Variants in PIDD1 observed in about 807,000 individuals in gnomAD.
The protein encoded by PIDD1 is p53-induced death domain protein 1, also known as p53-induced death domain-containing protein 1.
In PIDD1, 72 loss-of-function variants were observed where a neutral mutation model predicts 80.0. The ratio of observed to expected loss-of-function variants is 0.90; its 90% confidence interval spans 0.74 to 1.09. The LOEUF (loss-of-function observed/expected upper bound fraction) is 1.09. PIDD1 is among the 50% of genes least tolerant of loss of function. PIDD1 has a pLI of 0.00. For missense variants in PIDD1, 1,329 were observed against 1,228.3 expected (o/e 1.08, Z -1.23); for synonymous variants, 655 against 543.5 (o/e 1.21, Z -2.85).
chr11:802,527 TCAACC>T lies in PIDD1; in HGVS notation c.974+11_974+15del. The T allele has an allele frequency of 6.2e-7, 1 of 1,612,606 alleles. No individual in the cohort carries two copies. Among genetic ancestry groups the T allele is most frequent in the South Asian group, 1.1e-5 (1 of 90,952 alleles). ...GCAGACAGACTCCCCTCCAGCCCCC[TCAACC>T]CACCCCATACCTGTCCAAATCTGAG... On this transcript the variant is annotated intron_variant, in intron 5 of 15. Coordinates refer to ENST00000347755, the MANE Select transcript of PIDD1 (RefSeq NM_145886.4).
At chr11:803,813 A>G (rs997476024) in intron 2 of PIDD1, 1 of 634,914 alleles carries the variant, frequency 1.6e-6, no homozygotes, top group Admixed American at 2.9e-5. Flanking sequence ...ATCACCCACA[A>G]CCTTCCCCAG....
Position 802,901 on chromosome 11 carries a change from G to T in PIDD1, c.710-10C>A. 1 of 1,555,898 alleles carries T rather than the reference G, an allele frequency of 6.4e-7. No individual in the cohort carries two copies. Among genetic ancestry groups the T allele is most frequent in the South Asian group, 1.2e-5 (1 of 84,818 alleles). On this transcript the variant is annotated splice_polypyrimidine_tract_variant and intron_variant, in intron 3 of 15. Coordinates refer to ENST00000347755, the MANE Select transcript of PIDD1 (RefSeq NM_145886.4). The stretch of plus-strand genomic sequence containing the variant: ...AAGGACCGAAGTCCCGCTGCGGGCA[G>T]TTGCTGGCTTAGGCTTGGCACCAGC...
upstream of PIDD1, among the ~76,000 whole-genome samples, chr11:808,508 C>T (rs938912284): frequency 3.3e-5 from 5 of 152,142 alleles, no homozygotes; most frequent in Non-Finnish European, 7.4e-5. Context: ...GTGGGAGGAT[C>T]GCTTGAGCCC....
chr11:803,731 A>T, intron 2 of PIDD1, 144 bp from the exon 3 acceptor site: 9 of 968,392 alleles, frequency 9.3e-6, no homozygotes, highest in Non-Finnish European at 1.4e-5. Flanking sequence ...AGACAGACAG[A>T]AACACTGGAG....
upstream of PIDD1, chr11:805,269 G>A: frequency 2.1e-6 from 2 of 968,850 alleles, no homozygotes; most frequent in Non-Finnish European, 2.5e-6. Context: ...GGCGGGGACT[G>A]CAGACCCCGC....
chr11:802,143 G>A, intron 6 of PIDD1, 52 bp downstream of exon 6: 2 of 1,560,484 alleles, frequency 1.3e-6, no homozygotes, highest in Non-Finnish European at 1.7e-6. Context: ...CCCGCACACT[G>A]CCCCTGCCAT....
intron 2 of PIDD1, 128 bp from the exon 3 acceptor site, chr11:803,715 A>G (rs1865569967): frequency 1.9e-6 from 2 of 1,066,434 alleles, no homozygotes; most frequent in Admixed American, 4.7e-5. Flanking sequence ...CCAGCCAGAC[A>G]GGGACAGACA....
At position 799,320 on chromosome 11, in the gene PIDD1, G is replaced by A; in HGVS notation, c.2720C>T (p.Pro907Leu). 4 of 1,601,798 alleles carry A rather than the reference G, an allele frequency of 2.5e-6. No individual in the cohort carries two copies. In the South Asian group the frequency reaches 4.4e-5, roughly 18 times the overall value. ...AGTCTGTGGGGCCTAGGCCTGGGCAGGCTCTGGGGGCTGTGGAGCCGAGGA... is the reference window on the plus strand; with the variant it reads ...AGTCTGTGGGGCCTAGGCCTGGGCAAGCTCTGGGGGCTGTGGAGCCGAGGA... The part of the protein sequence containing the change: ...PGSSAPQPPE[P>L]AQA The change falls in exon 16 of 16, where the codon CCT becomes CTT. Residue 907 changes from proline (P) to leucine (L), a missense_variant. Physicochemically the swap from Pro to Leu is moderately conservative, Grantham distance 98. Coordinates refer to ENST00000347755, the MANE Select transcript of PIDD1 (RefSeq NM_145886.4).
In PIDD1 at chr11:803,297, G is replaced by C. The variant is rs750188700; in HGVS notation, c.586C>G (p.Leu196Val). The change falls in exon 3 of 16, where the codon CTG (leucine) becomes GTG (valine). Residue 196 changes from leucine (L) to valine (V), a missense_variant. Coordinates refer to ENST00000347755, the MANE Select transcript of PIDD1 (RefSeq NM_145886.4). ...LPPALGALST[L>V]QRLDLSQNLL... ...TTCTGAGAGAGATCGAGGCGCTGCA[G>C]GGTGGATAGGGCCCCCAGTGCTGGG... 13 of 1,613,784 alleles carry C rather than the reference G, an allele frequency of 8.1e-6. No homozygotes were observed. The highest frequency in any genetic ancestry group is 9.3e-6 in the Non-Finnish European group (11 of 1,179,982).
At position 803,348 on chromosome 11, in the gene PIDD1, T is replaced by G. The variant is rs1565066567; in HGVS notation, c.535A>C (p.Thr179Pro). ...ALPALTFLTV[T>P]HNRLQTLPPA... ...GGCAGCGTCTGCAGGCGGTTGTGTG[T>G]CACTGTGAGGAAGGTGAGGGCGGGG... The change falls in exon 3 of 16, where the codon ACA (threonine) becomes CCA (proline). Residue 179 changes from threonine to proline, a missense_variant. By Grantham distance (38) the Thr-to-Pro change is conservative. Coordinates refer to ENST00000347755, the MANE Select transcript of PIDD1 (RefSeq NM_145886.4). 1 of 1,613,748 alleles carries G rather than the reference T, an allele frequency of 6.2e-7. No individual in the cohort carries two copies.
At position 803,172 on chromosome 11, in the gene PIDD1, A is replaced by G; in HGVS notation, c.709+2T>C. 6.3e-7 allele frequency: 1 copy of G among 1,594,190 alleles called. No individual in the cohort carries two copies. Among genetic ancestry groups the G allele is most frequent in the Non-Finnish European group, 8.6e-7 (1 of 1,169,560 alleles). On this transcript the variant is annotated splice_donor_variant, in intron 3 of 15. Transcript: ENST00000347755. LOFTEE classifies it high-confidence loss of function. The stretch of plus-strand genomic sequence containing the variant: ...GTGTGTCGGGGCGCAGGGGCTACTC[A>G]CCCAGAGAGGCTGGGAGGCTCTGCA...
rs1240596698 is a variant in PIDD1 at position 800,159 on chromosome 11, C to T, written c.2246G>A (p.Trp749Ter). 1 of 1,610,726 alleles carries T rather than the reference C, an allele frequency of 6.2e-7. No homozygotes were observed. The highest frequency in any genetic ancestry group is 1.1e-5 in the South Asian group (1 of 90,932). ...ARQRKGADAL[W>*]MATLPIKLPR... ...CAGCTTGATGGGCAGAGTGGCCATC[C>T]ACAGGGCGTCTGCGCCCTTCCTCTG... The change falls in exon 14 of 16, where the codon TGG becomes TAG. Residue 749 changes from tryptophan to a stop codon, truncating the protein, a stop_gained. Transcript: ENST00000347755. LOFTEE classifies it high-confidence loss of function.
At chr11:801,868 G>A in intron 7 of PIDD1, 97 bp downstream of exon 7, 1 of 1,471,182 alleles carries the variant, frequency 6.8e-7, no homozygotes. Context: ...GAGGGACGGG[G>A]CAGGGTGGAA....
chr11:800,836 G>T lies in PIDD1; in HGVS notation c.1843C>A (p.Arg615Ser), dbSNP rs376999143. 1 of 1,567,250 alleles carries T rather than the reference G, an allele frequency of 6.4e-7. No individual in the cohort carries two copies. The change falls in exon 11 of 16, where the codon CGT becomes AGT. Residue 615 changes from arginine (R) to serine (S), a missense_variant. Physicochemically the swap from Arg to Ser is moderately radical, Grantham distance 110 (BLOSUM62 -1). Coordinates refer to ENST00000347755, the MANE Select transcript of PIDD1 (RefSeq NM_145886.4). ...RKAWERLRLH[R>S]VNLIALQRRR... ...CGCTGCAGAGCGATGAGGTTCACAC[G>T]GTGCAGCCGCAGCCGCTCCCAGGCC...
At chr11:802,136 G>A (rs531472352) in intron 6 of PIDD1, 46 bp from the exon 7 acceptor site, 54 of 1,560,714 alleles carry the variant, frequency 3.5e-5, no homozygotes, top group East Asian at 4.8e-5. Flanking sequence ...GCCCGGGCCC[G>A]CACACTGCCC....
Position 801,255 on chromosome 11 carries a change from C to T in PIDD1, c.1593G>A (p.Pro531=), listed in dbSNP as rs755492500. Residue 531 remains proline, a synonymous_variant, in exon 9 of 16, where the codon CCG becomes CCA. Coordinates refer to ENST00000347755, the MANE Select transcript of PIDD1 (RefSeq NM_145886.4). ...SQSGPPSFLQ[P]VTVQLPLPSG... Reference sequence around the variant, plus strand: ...AGGGCAGAGGCAGCTGCACGGTGACCGGTTGGAGGAAGCTGGGGGGACCGC... The same window carrying T: ...AGGGCAGAGGCAGCTGCACGGTGACTGGTTGGAGGAAGCTGGGGGGACCGC... 6.8e-5 allele frequency: 106 copies of T among 1,570,104 alleles called. No homozygotes were observed. In the Admixed American group the frequency reaches 9.9e-4, roughly 15 times the overall value.
chr11:804,298 G>C lies in PIDD1; in HGVS notation c.91C>G (p.Pro31Ala), dbSNP rs373657713. The change falls in exon 2 of 16, where the codon CCT (proline) becomes GCT (alanine). Residue 31 changes from proline (P) to alanine (A), a missense_variant. Physicochemically the swap from Pro to Ala is conservative, Grantham distance 27. Transcript: ENST00000347755. Reference sequence around the variant, plus strand: ...CTCAGCCGGTTGCCGCCCAGGAAAGGCAGCGCCCTGGACCCTGCGTCCGAA... The same window carrying C: ...CTCAGCCGGTTGCCGCCCAGGAAAGCCAGCGCCCTGGACCCTGCGTCCGAA... ...EDSDAGSRALPFLGGNRLSLD... is the reference protein window; with the variant it reads ...EDSDAGSRALAFLGGNRLSLD... 2 of 1,612,920 alleles carry C rather than the reference G, an allele frequency of 1.2e-6. No individual in the cohort carries two copies. The highest frequency in any genetic ancestry group is 1.7e-6 in the Non-Finnish European group (2 of 1,179,974).
chr11:803,460 C>G lies in PIDD1; in HGVS notation c.423G>C (p.Pro141=), dbSNP rs1168472005. The G allele has an allele frequency of 6.2e-7, 1 of 1,613,666 alleles. No individual in the cohort carries two copies. Among genetic ancestry groups the G allele is most frequent in the African/African-American group, 1.3e-5 (1 of 74,904 alleles). The change falls in exon 3 of 16, where the codon CCG becomes CCC. Residue 141 remains proline, a synonymous_variant. Coordinates refer to ENST00000347755, the MANE Select transcript of PIDD1 (RefSeq NM_145886.4). Reference sequence around the variant, plus strand: ...GACCTCGCATCTGCAGGACACAGGCCGGCAGTGTCTCCAGGCTGTTGAAGC... The same window carrying G: ...GACCTCGCATCTGCAGGACACAGGCGGGCAGTGTCTCCAGGCTGTTGAAGC... ...DLSFNSLETL[P]ACVLQMRGLG...
At position 802,051 on chromosome 11, in the gene PIDD1, G is replaced by A. The variant is rs141062610; in HGVS notation, c.1216C>T (p.Arg406Trp). 108 of 1,586,858 alleles carry A rather than the reference G, an allele frequency of 6.8e-5. 1 individual carries two copies. Among genetic ancestry groups the A allele is most frequent in the East Asian group, 1.8e-4 (8 of 43,676 alleles). The change falls in exon 7 of 16, where the codon CGG (arginine) becomes TGG (tryptophan). Residue 406 changes from arginine (R) to tryptophan (W), a missense_variant. Arg to Trp is a moderately radical substitution (Grantham distance 101, BLOSUM62 -3). Transcript: ENST00000347755. ...CTGACCACCACTTCACGGCAGCGCC[G>A]GGCCTGCGGTGGGGTGAAGAGCAGC... ...LWLLFTPPQA[R>W]RCREVVVRTR...
Sources: allele counts gnomAD v4.1 joint callset (sites outside exome capture counted in the v4.1 genomes callset), GRCh38; gene constraint gnomAD v4.1.1; transcripts MANE v1.5; gene names NCBI Gene and HGNC (gene_info 2026-07-23, HGNC 2026-07-21).